MLLT3: variants seen among roughly 807,000 people sequenced by gnomAD.
MLLT3 encodes protein AF-9.
Under a neutral mutation model 53.2 loss-of-function variants are expected in MLLT3, and 4 were observed. The observed-to-expected ratio is 0.08, with a 90% CI of 0.04 to 0.17. The LOEUF (loss-of-function observed/expected upper bound fraction) is 0.17. Ranked by LOEUF, MLLT3 falls within the 10% of genes least tolerant of loss-of-function variation. The pLI is 1.00. For missense variants in MLLT3, 569 were observed against 684.0 expected (o/e 0.83, Z 1.87); for synonymous variants, 283 against 230.6 (o/e 1.23, Z -2.06).
At chr9:20,386,767 T>G (rs544966915) in intron 5 of MLLT3, among the ~76,000 whole-genome samples, 1 of 152,270 alleles carries the variant, frequency 6.6e-6, no homozygotes, top group South Asian at 2.1e-4. Context: ...GCCAGTCTGC[T>G]CCTATGGTAA....
chr9:20,443,782 G>A (rs975005396), intron 4 of MLLT3, among the ~76,000 whole-genome samples: 1 of 152,192 alleles, frequency 6.6e-6, no homozygotes, highest in African/African-American at 2.4e-5. Context: ...TATCTACTAT[G>A]TGCCATACAC....
chr9:20,402,373 G>T (rs867378583), intron 5 of MLLT3, among the ~76,000 whole-genome samples: 1 of 152,202 alleles, frequency 6.6e-6, no homozygotes. Context: ...AAGCACCAGA[G>T]TTCACTGGAA....
intron 2 of MLLT3, among the ~76,000 whole-genome samples, chr9:20,495,617 C>A (rs1485694674): frequency 6.6e-6 from 1 of 152,078 alleles, no homozygotes; most frequent in African/African-American, 2.4e-5. Flanking sequence ...ACAACCGGAA[C>A]TAGATTTTTT....
At chr9:20,455,888 T>C (rs115430374) in intron 3 of MLLT3, among the ~76,000 whole-genome samples, 2,985 of 151,430 alleles carry the variant, frequency 0.02, 117 homozygotes, top group African/African-American at 0.068. Context: ...TCTGGTATTA[T>C]ACAGTCTGTG....
Position 20,414,378 on chromosome 9 carries a change from A to ACTGCTGCTG in MLLT3, c.459_467dup (p.Ser188_Ser190dup). On this transcript the variant is annotated inframe_insertion, in exon 5 of 11. Transcript: ENST00000380338. ...TGCTGCTGCTGCTGCTGCTGCTGCTACTGCTGCTGCTGCTGCTGCTGCTGG... is the reference window on the plus strand; with the variant it reads ...TGCTGCTGCTGCTGCTGCTGCTGCTACTGCTGCTGCTGCTGCTGCTGCTGCTGCTGCTGG... The ACTGCTGCTG allele has an allele frequency of 2.1e-6, 3 of 1,395,414 alleles. No homozygotes were observed. Among genetic ancestry groups the ACTGCTGCTG allele is most frequent in the Non-Finnish European group, 2.0e-6 (2 of 1,001,866 alleles). The allele number at this position is 1,395,414 out of a possible 1,614,324, so 86.4% of individuals were successfully genotyped here.
At position 20,566,000 on chromosome 9, in the gene MLLT3, T is replaced by TTA. The variant is rs1185292821; in HGVS notation, c.193+54652_193+54653dup. Among the ~76,000 whole-genome samples the TTA allele has an allele frequency of 2.3e-5, 3 of 131,490 alleles. No individual in the cohort carries two copies. In the South Asian group the frequency reaches 6.6e-4, roughly 29 times the overall value. The allele number at this position is 131,490 out of a possible 152,430, so 86.3% of individuals were successfully genotyped here. On this transcript the variant is annotated intron_variant, in intron 2 of 10. Transcript: ENST00000380338. Reference sequence around the variant, plus strand: ...TATATATATTTATTTATATATTTATTTATATATATATTTTTATATATATTT... The same window carrying TTA: ...TATATATATTTATTTATATATTTATTTATATATATATATTTTTATATATATTT...
chr9:20,356,727 G>A (rs908258459), intron 8 of MLLT3, among the ~76,000 whole-genome samples: 1 of 152,128 alleles, frequency 6.6e-6, no homozygotes, highest in Non-Finnish European at 1.5e-5. Flanking sequence ...TTGCTAACTA[G>A]GTTTAGAGAG....
At chr9:20,543,737 G>A (rs1400477449) in intron 2 of MLLT3, among the ~76,000 whole-genome samples, 1 of 151,102 alleles carries the variant, frequency 6.6e-6, no homozygotes, top group East Asian at 2.0e-4. Context: ...GAGGAAGGAG[G>A]AGGAGGAGGA....
intron 2 of MLLT3, among the ~76,000 whole-genome samples, chr9:20,561,671 T>G (rs574934426): frequency 2.0e-5 from 3 of 152,290 alleles, no homozygotes; most frequent in South Asian, 4.1e-4. Flanking sequence ...CATCAATGAT[T>G]CAAGCACATT....
chr9:20,603,258 T>C (rs900893850), intron 2 of MLLT3, among the ~76,000 whole-genome samples: 2 of 152,092 alleles, frequency 1.3e-5, no homozygotes, highest in African/African-American at 4.8e-5. Context: ...CCAACTCTTA[T>C]AAGTATATAG....
rs116010944 is a variant in MLLT3, at chr9:20,576,822, G to A, written c.193+43832C>T. 3.8e-3 allele frequency among the ~76,000 whole-genome samples: 577 copies of A among 152,262 alleles called. 5 individuals carry two copies. The highest frequency in any genetic ancestry group is 0.013 in the African/African-American group (559 of 41,562). ...AAATAGATTTGCTCAATGAAGGGTT[G>A]TGGCACAAACTTTCAACTTACGAAA... On this transcript the variant is annotated intron_variant, in intron 2 of 10. Coordinates refer to ENST00000380338, the MANE Select transcript of MLLT3 (RefSeq NM_004529.4).
At chr9:20,390,207 A>G (rs1205384946) in intron 5 of MLLT3, among the ~76,000 whole-genome samples, 1 of 152,232 alleles carries the variant, frequency 6.6e-6, no homozygotes, top group Admixed American at 6.5e-5. Flanking sequence ...ATATGTTGAG[A>G]TATTTGGAGG....
At chr9:20,458,258 A>G (rs1197441414) in intron 2 of MLLT3, among the ~76,000 whole-genome samples, 1 of 152,196 alleles carries the variant, frequency 6.6e-6, no homozygotes, top group Non-Finnish European at 1.5e-5. Context: ...CCATATTTTG[A>G]AGGATCTTGT....
chr9:20,499,507 G>A (rs1299687136), intron 2 of MLLT3, among the ~76,000 whole-genome samples: 1 of 152,024 alleles, frequency 6.6e-6, no homozygotes, highest in Non-Finnish European at 1.5e-5. Context: ...AACACACACT[G>A]AACAATAAAT....
chr9:20,380,760 G>A (rs1434905358), intron 5 of MLLT3, among the ~76,000 whole-genome samples: 1 of 152,026 alleles, frequency 6.6e-6, no homozygotes, highest in Non-Finnish European at 1.5e-5. Context: ...TAAGAGATTG[G>A]TTTTTATCTT....
chr9:20,451,195 A>G (rs2118851469), intron 3 of MLLT3, among the ~76,000 whole-genome samples: 1 of 152,320 alleles, frequency 6.6e-6, no homozygotes, highest in South Asian at 2.1e-4. Flanking sequence ...CTCTACGCTG[A>G]CACACATTTT....
intron 2 of MLLT3, chr9:20,532,622 C>T (rs1818373129): frequency 3.8e-6 from 1 of 261,322 alleles, no homozygotes; most frequent in Non-Finnish European, 7.2e-6. Flanking sequence ...AAGCAGGAGG[C>T]CAAGAAAGTG....
At chr9:20,547,819 G>A (rs552730777) in intron 2 of MLLT3, among the ~76,000 whole-genome samples, 1 of 152,216 alleles carries the variant, frequency 6.6e-6, no homozygotes, top group East Asian at 1.9e-4. Context: ...AAGTGTGGTA[G>A]TGCACACCTA....
chr9:20,529,724 CTTTTTTTTTT>C (rs5896896), intron 2 of MLLT3, among the ~76,000 whole-genome samples: 2 of 76,410 alleles, frequency 2.6e-5, no homozygotes, highest in Admixed American at 1.8e-4. Context: ...TAATCCAATC[CTTTTTTTTTT>C]TTTTTTTTTT....
Sources: gnomAD v4.1 joint callset for allele counts (sites outside exome capture counted in the v4.1 genomes callset) on GRCh38, gnomAD v4.1.1 for gene constraint, MANE v1.5 for transcripts, NCBI Gene and HGNC (gene_info 2026-07-23, HGNC 2026-07-21) for gene names.